GSG1L: variants seen among roughly 807,000 people sequenced by gnomAD.
GSG1L encodes germ cell-specific gene 1-like protein.
Under a neutral mutation model 42.1 loss-of-function variants are expected in GSG1L, and 24 were observed. The ratio of observed to expected loss-of-function variants is 0.57; its 90% CI spans 0.41 to 0.80. The LOEUF is 0.80. Ranked by LOEUF, GSG1L falls within the 30% of genes least tolerant of loss-of-function variation. GSG1L has a pLI of 0.00. For synonymous variants in GSG1L, 215 were observed against 203.5 expected, an observed-to-expected ratio of 1.06 and a Z score of -0.48; for missense variants, 445 against 472.2, an observed-to-expected ratio of 0.94 and a Z score of 0.53.
intron 4 of GSG1L, among the ~76,000 whole-genome samples, chr16:27,835,112 T>C (rs1486127367): frequency 6.6e-6 from 1 of 152,178 alleles, no homozygotes; most frequent in Non-Finnish European, 1.5e-5. Flanking sequence ...TATTGAAATC[T>C]CTAATTATAG....
Position 28,063,524 on chromosome 16 carries a change from C to G in GSG1L, c.-100G>C. ...TCAGCGGCCGCTGCCCGCCGCGCCC[C>G]GGGGCTCGGGTGCCTGAGATCGGCG... On this transcript the variant is annotated 5_prime_UTR_variant, in exon 1 of 7. Transcript: ENST00000447459. The surrounding 1 kb of genome is among the most constrained non-coding windows in gnomAD (Gnocchi z 5.8). 1.4e-6 allele frequency: 1 copy of G among 717,748 alleles called. No homozygotes were observed. Among genetic ancestry groups the G allele is most frequent in the Non-Finnish European group, 1.8e-6 (1 of 564,122 alleles). 44.5% of individuals were successfully genotyped at this position (717,748 alleles called of 1,614,324 possible). A position where few individuals can be genotyped will look rare whatever the true frequency, so the allele number is the denominator to read the frequency against.
chr16:27,792,702 C>T (rs896800416), intron 6 of GSG1L, among the ~76,000 whole-genome samples: 2 of 152,174 alleles, frequency 1.3e-5, no homozygotes, highest in Admixed American at 1.3e-4. Flanking sequence ...AGACCCCAAG[C>T]CCAGGGGAGC....
In GSG1L at chr16:28,035,856, C is replaced by T. The variant is rs77671536; in HGVS notation, c.349+27220G>A. On this transcript the variant is annotated intron_variant, in intron 1 of 6. Coordinates refer to ENST00000447459, the MANE Select transcript of GSG1L (RefSeq NM_001109763.2). ...GGATGACAGTGGTTCTCCCAGCTTA[C>T]GGGGCCACTTCACTGCTTCCAGACC... 5.6e-3 allele frequency among the ~76,000 whole-genome samples: 847 copies of T among 152,282 alleles called. 11 individuals are homozygous for T. Among genetic ancestry groups the T allele is most frequent in the African/African-American group, 0.019 (785 of 41,554 alleles).
chr16:27,938,975 A>G (rs2141080816), intron 2 of GSG1L, among the ~76,000 whole-genome samples: 1 of 152,282 alleles, frequency 6.6e-6, no homozygotes, highest in Middle Eastern at 3.4e-3. Flanking sequence ...CTCCGTGAGG[A>G]TGGATGGATG....
In GSG1L at chr16:28,063,194, C is replaced by CGAGGCG; in HGVS notation, c.225_230dup (p.Ala76_Ser77dup). On this transcript the variant is annotated inframe_insertion, in exon 1 of 7. Transcript: ENST00000447459. The surrounding 1 kb of genome is among the most constrained non-coding windows in gnomAD (Gnocchi z 5.8). ...GCGCGCCGCCAGGGGGGCCGTTCCC[C>CGAGGCG]GAGGCGGTGGCGGCGGCGGCGGCGG... 1 of 1,299,422 alleles carries CGAGGCG rather than the reference C, an allele frequency of 7.7e-7. No individual in the cohort carries two copies. The highest frequency in any genetic ancestry group is 3.4e-5 in the East Asian group (1 of 29,562). 80.5% of individuals were successfully genotyped at this position (1,299,422 alleles called of 1,614,324 possible). A position where few individuals can be genotyped will look rare whatever the true frequency, so the allele number is the denominator to read the frequency against.
At chr16:27,886,338 G>A (rs2084028967) in intron 2 of GSG1L, among the ~76,000 whole-genome samples, 1 of 152,198 alleles carries the variant, frequency 6.6e-6, no homozygotes, top group African/African-American at 2.4e-5. Flanking sequence ...TACTCGGGAG[G>A]CTGAGGCAGG....
At chr16:27,968,192 C>T (rs1281340022) in intron 1 of GSG1L, among the ~76,000 whole-genome samples, 1 of 151,986 alleles carries the variant, frequency 6.6e-6, no homozygotes, top group Non-Finnish European at 1.5e-5. Flanking sequence ...ATTTTTTCAC[C>T]TAAAAGTTTA....
At chr16:27,828,717 G>C (rs546408701) in intron 5 of GSG1L, 72 bp downstream of exon 5, 4 of 1,442,174 alleles carry the variant, frequency 2.8e-6, no homozygotes, top group Non-Finnish European at 3.8e-6. Context: ...ACTGGGGCCC[G>C]GTGGCCACTG....
intron 2 of GSG1L, among the ~76,000 whole-genome samples, chr16:27,890,041 G>A (rs1166361131): frequency 1.3e-5 from 2 of 152,152 alleles, no homozygotes; most frequent in East Asian, 1.9e-4. Context: ...AGGAACCATG[G>A]TCAGCAAGGA....
intron 3 of GSG1L, among the ~76,000 whole-genome samples, chr16:27,857,022 G>A (rs923943028): frequency 2.0e-5 from 3 of 152,138 alleles, no homozygotes; most frequent in African/African-American, 4.8e-5. Context: ...GTCTCTCTTC[G>A]ATTGGGCACC....
intron 2 of GSG1L, among the ~76,000 whole-genome samples, chr16:27,905,345 G>A (rs1270243242): frequency 3.6e-5 from 5 of 140,378 alleles, no homozygotes; most frequent in East Asian, 2.1e-4. Context: ...TTTTTAAAGC[G>A]ACAGGGTCTC....
chr16:28,039,605 A>G (rs1246466603), intron 1 of GSG1L, among the ~76,000 whole-genome samples: 1 of 151,376 alleles, frequency 6.6e-6, no homozygotes, highest in Non-Finnish European at 1.5e-5. Flanking sequence ...CCACACTTGC[A>G]CACACACACA....
At chr16:27,864,160 G>A (rs1386950877) in intron 3 of GSG1L, among the ~76,000 whole-genome samples, 1 of 152,162 alleles carries the variant, frequency 6.6e-6, no homozygotes, top group East Asian at 1.9e-4. Flanking sequence ...TCCTAGAACT[G>A]AATCTCATTG....
chr16:27,968,884 G>A (rs1452594105), intron 1 of GSG1L, among the ~76,000 whole-genome samples: 3 of 152,138 alleles, frequency 2.0e-5, no homozygotes, highest in Non-Finnish European at 4.4e-5. Context: ...CAAGGCAGGC[G>A]GATCACTTGA....
intron 2 of GSG1L, among the ~76,000 whole-genome samples, chr16:27,935,966 G>A (rs1232022786): frequency 6.7e-6 from 1 of 150,288 alleles, no homozygotes; most frequent in Non-Finnish European, 1.5e-5. Flanking sequence ...CTCAAGTGAG[G>A]TCAGGTCCAG....
At chr16:27,927,682 A>T (rs913566168) in intron 2 of GSG1L, among the ~76,000 whole-genome samples, 4 of 152,058 alleles carry the variant, frequency 2.6e-5, no homozygotes, top group Non-Finnish European at 5.9e-5. Flanking sequence ...TCAGTGCTCC[A>T]CCCAGCCACC....
At chr16:27,802,957 T>C (rs554682720) in intron 6 of GSG1L, among the ~76,000 whole-genome samples, 33 of 152,142 alleles carry the variant, frequency 2.2e-4, no homozygotes, top group African/African-American at 7.9e-4. Context: ...CCTGCCTGTC[T>C]CTCTGCCACC....
chr16:27,819,995 G>A (rs889648366), intron 5 of GSG1L, among the ~76,000 whole-genome samples: 2 of 152,166 alleles, frequency 1.3e-5, no homozygotes, highest in African/African-American at 2.4e-5. Flanking sequence ...GAAGGCCCTG[G>A]GCTTGTGGTG....
chr16:27,866,864 A>T (rs2141005884), intron 3 of GSG1L, among the ~76,000 whole-genome samples: 1 of 152,180 alleles, frequency 6.6e-6, no homozygotes, highest in African/African-American at 2.4e-5. Flanking sequence ...GAGCCACCGA[A>T]ACCGGCCCTC....
Sources: gnomAD v4.1 joint callset for allele counts (sites outside exome capture counted in the v4.1 genomes callset) on GRCh38, gnomAD v4.1.1 for gene constraint, Gnocchi (gnomAD v3.1) non-coding constraint, MANE v1.5 for transcripts, NCBI Gene and HGNC (gene_info 2026-07-23, HGNC 2026-07-21) for gene names.